The following TPTE2 variants were observed in gnomAD, a reference collection of about 807,000 sequenced individuals.
TPTE2 encodes the protein phosphatidylinositol 3,4,5-trisphosphate 3-phosphatase TPTE2.
In TPTE2, 53 loss-of-function variants were observed where a neutral mutation model predicts 78.6. The observed-to-expected ratio is 0.67, with a 90% CI of 0.54 to 0.85. The LOEUF is 0.85. Among genes scored for constraint, TPTE2 ranks in the 40% least tolerant of loss-of-function variants. The pLI is 0.00. For missense variants in TPTE2, 461 were observed against 623.0 expected (o/e 0.74, Z 2.77); for synonymous variants, 175 against 206.2 (o/e 0.85, Z 1.30).
chr13:19,450,278 T>C, exon 12 of TPTE2: 1 of 1,611,338 alleles, frequency 6.2e-7, no homozygotes, highest in Non-Finnish European at 8.5e-7. Context: ...AGTGGGGACA[T>C]TATGATCATC....
chr13:19,510,172 A>G (rs143754838), intron 1 of TPTE2, among the ~76,000 whole-genome samples: 3,743 of 152,324 alleles, frequency 0.025, 65 homozygotes, highest in Middle Eastern at 0.051. Flanking sequence ...ATGAAGGATG[A>G]TTTGAATACA....
At chr13:19,522,090 A>G (rs1038128402) in intron 1 of TPTE2, among the ~76,000 whole-genome samples, 11 of 152,138 alleles carry the variant, frequency 7.2e-5, no homozygotes, top group African/African-American at 2.4e-4. Flanking sequence ...TTCTCCTTCA[A>G]TGTTGAAGGA....
At position 19,535,611 on chromosome 13, in the gene TPTE2, C is replaced by CTTATTTATTTAT. The variant is rs112733083; in HGVS notation, c.-44+973_-44+984dup. ...TAAGTAATACTATCTCCAGGATTTT[C>CTTATTTATTTAT]TTATTTATTTATTTATTTATTTATT... On this transcript the variant is annotated intron_variant, in intron 1 of 17. Coordinates refer to the TPTE2 transcript ENST00000390680. The surrounding 1 kb of genome is among the most constrained non-coding windows in gnomAD (Gnocchi z 5.1). Among the ~76,000 whole-genome samples, 28 of 146,530 alleles carry CTTATTTATTTAT rather than the reference C, an allele frequency of 1.9e-4. No homozygotes were observed. The highest frequency in any genetic ancestry group is 6.8e-4 in the African/African-American group (27 of 39,758).
intron 1 of TPTE2, among the ~76,000 whole-genome samples, chr13:19,536,309 T>C (rs1004035873): frequency 4.6e-5 from 7 of 152,178 alleles, no homozygotes; most frequent in African/African-American, 1.7e-4. Flanking sequence ...TAATATAATG[T>C]ATAATATGCA....
intron 14 of TPTE2, among the ~76,000 whole-genome samples, chr13:19,437,236 C>CA (rs1258254638): frequency 2.0e-5 from 3 of 152,118 alleles, no homozygotes; most frequent in Non-Finnish European, 4.4e-5. Flanking sequence ...CTGTGTATCT[C>CA]AAATTAGAGA....
At chr13:19,451,858 C>T (rs1878213582) in intron 10 of TPTE2, among the ~76,000 whole-genome samples, 1 of 138,524 alleles carries the variant, frequency 7.2e-6, no homozygotes, top group Admixed American at 7.3e-5. Context: ...TATGTATAAC[C>T]TTTAAAATGA....
At chr13:19,534,246 G>A (rs981626892) in intron 1 of TPTE2, among the ~76,000 whole-genome samples, 1 of 152,180 alleles carries the variant, frequency 6.6e-6, no homozygotes, top group African/African-American at 2.4e-5. Flanking sequence ...TCCTGAACAT[G>A]AGAAACAGAA....
the TPTE2 span, among the ~76,000 whole-genome samples, chr13:19,547,861 G>A: frequency 6.0e-5 from 9 of 150,780 alleles, no homozygotes; most frequent in Non-Finnish European, 1.3e-4. Flanking sequence ...ATCGACAACG[G>A]TTATTTCAGA....
chr13:19,533,859 T>C (rs1871033410), intron 1 of TPTE2, among the ~76,000 whole-genome samples: 1 of 152,238 alleles, frequency 6.6e-6, no homozygotes. Context: ...CTCAGAGCGT[T>C]TCTCTTTGCT....
exon 12 of TPTE2, chr13:19,450,338 C>G (rs751511949): frequency 1.1e-5 from 18 of 1,609,962 alleles, no homozygotes; most frequent in Non-Finnish European, 1.4e-5. Flanking sequence ...ATCATAAGCT[C>G]TTTCACCTAA....
chr13:19,477,436 C>T (rs1227404104), intron 4 of TPTE2, among the ~76,000 whole-genome samples: 1 of 152,080 alleles, frequency 6.6e-6, no homozygotes, highest in Non-Finnish European at 1.5e-5. Context: ...AAGGAAATCC[C>T]CAATCCGTCT....
Position 19,464,480 on chromosome 13 carries a change from C to T in TPTE2, c.717G>A (p.Gln239=), listed in dbSNP as rs145515595. The T allele has an allele frequency of 2.9e-5, 47 of 1,613,008 alleles. No homozygotes were observed. The African/African-American group carries it at 5.5e-4, about 19-fold the overall frequency. Residue 239 remains glutamine (Q), a synonymous_variant, in exon 10 of 20, where the codon CAG becomes CAA. Transcript: ENST00000400230. ...CCTCAATTGGATTTCTATAGAAAGA[C>T]TGCCTTCCAGAAGATGGAAATGACA...
intron 1 of TPTE2, among the ~76,000 whole-genome samples, chr13:19,501,555 G>A (rs1457099946): frequency 1.3e-5 from 2 of 150,632 alleles, no homozygotes; most frequent in Admixed American, 6.7e-5. Context: ...ATGGGGAAAG[G>A]ATTCCCTATT....
chr13:19,443,930 A>T lies in TPTE2; in HGVS notation c.974-5777T>A, dbSNP rs555826782. Among the ~76,000 whole-genome samples the T allele has an allele frequency of 2.3e-3, 350 of 152,288 alleles. 1 individual carries two copies. The highest frequency in any genetic ancestry group is 7.9e-3 in the African/African-American group (328 of 41,556). On this transcript the variant is annotated intron_variant, in intron 13 of 19. Transcript: ENST00000400230. ...TAAATGACTGAAATGGAAAAAATAC[A>T]ATTTATTATTTTCATATGATGTAAT... is the stretch of plus-strand genomic sequence containing the variant.
chr13:19,453,207 T>G (rs908957404), intron 10 of TPTE2, among the ~76,000 whole-genome samples: 1 of 151,674 alleles, frequency 6.6e-6, no homozygotes. Context: ...TTTTGTATTT[T>G]TAGTAGAGAC....
At chr13:19,536,967 A>G (rs1224429513), upstream of TPTE2, among the ~76,000 whole-genome samples, 3 of 151,006 alleles carry the variant, frequency 2.0e-5, no homozygotes, top group African/African-American at 7.3e-5. Context: ...AACATATATT[A>G]TAAATATAAT....
intron 1 of TPTE2, among the ~76,000 whole-genome samples, chr13:19,527,346 T>G (rs1325848242): frequency 1.3e-5 from 2 of 152,212 alleles, no homozygotes; most frequent in Non-Finnish European, 2.9e-5. Flanking sequence ...TGACAAATAC[T>G]CAAAGTGGCA....
chr13:19,559,413 T>C, the TPTE2 span, among the ~76,000 whole-genome samples: 6,049 of 152,154 alleles, frequency 0.04, 418 homozygotes, highest in African/African-American at 0.14. Context: ...TATAGTGTTA[T>C]TGTTCTGCAG....
At chr13:19,550,471 T>C in the TPTE2 span, among the ~76,000 whole-genome samples, 1 of 152,146 alleles carries the variant, frequency 6.6e-6, no homozygotes, top group African/African-American at 2.4e-5. Flanking sequence ...AAGTAAAATT[T>C]TGAAAAATAA....
Sources: allele counts gnomAD v4.1 joint callset (sites outside exome capture counted in the v4.1 genomes callset), GRCh38; gene constraint gnomAD v4.1.1; non-coding constraint Gnocchi (gnomAD v3.1); transcripts MANE v1.5; gene names NCBI Gene and HGNC (gene_info 2026-07-23, HGNC 2026-07-21).